Variants in ANO7 observed in about 807,000 individuals in gnomAD.
The protein encoded by ANO7 is anoctamin-7.
Under a neutral mutation model 115.8 loss-of-function variants are expected in ANO7, and 114 were observed. The ratio of observed to expected loss-of-function variants is 0.98; its 90% CI spans 0.85 to 1.15. The LOEUF (loss-of-function observed/expected upper bound fraction) is 1.15. Among genes scored for constraint, ANO7 ranks in the 50% most tolerant of loss-of-function variants. The probability of loss-of-function intolerance (pLI) is 0.00; values close to 1 mark genes in which losing one functional copy is unlikely to be tolerated. For missense variants in ANO7, 1,302 were observed against 1,201.2 expected (o/e 1.08, Z -1.24); for synonymous variants, 550 against 498.2 (o/e 1.10, Z -1.38).
the ANO7 span, chr2:241,236,694 G>A: frequency 6.2e-7 from 1 of 1,614,094 alleles, no homozygotes; most frequent in East Asian, 2.2e-5. Flanking sequence ...TGGAGAGCCG[G>A]GGTCACAATC....
chr2:241,210,994 G>A (rs1043731555), intron 15 of ANO7, among the ~76,000 whole-genome samples: 10 of 151,974 alleles, frequency 6.6e-5, no homozygotes, highest in Non-Finnish European at 1.0e-4. Flanking sequence ...TTTTGTTTTT[G>A]GCACCCCAGG....
chr2:241,226,893 C>G (rs564461485), downstream of ANO7, among the ~76,000 whole-genome samples: 114 of 152,288 alleles, frequency 7.5e-4, 1 homozygote, highest in African/African-American at 2.7e-3. Context: ...CTCCTCCAGC[C>G]GAGGCCTCCG....
Position 241,213,589 on chromosome 2 carries a change from A to G in ANO7, c.1728+963A>G, listed in dbSNP as rs200639663. Among the ~76,000 whole-genome samples the G allele has an allele frequency of 3.3e-5, 5 of 152,254 alleles. No homozygotes were observed. In the East Asian group the frequency reaches 7.7e-4, roughly 24 times the overall value. ...CCAAGACACCGTAGAGAAGCCCTCA[A>G]AACTGTTCCCGACGCACAGCCCCTC... On this transcript the variant is annotated intron_variant, in intron 17 of 24. Transcript: ENST00000674324.
At chr2:241,230,234 G>A, downstream of ANO7, 1 of 1,610,922 alleles carries the variant, frequency 6.2e-7, no homozygotes, top group Non-Finnish European at 8.5e-7. The surrounding 1 kb of genome is among the most constrained non-coding windows in gnomAD (Gnocchi z 5.0). Context: ...CGCAGTTGGG[G>A]TCTGGGGCTC....
At chr2:241,232,236 T>C in the ANO7 span, among the ~76,000 whole-genome samples, 3 of 151,592 alleles carry the variant, frequency 2.0e-5, no homozygotes, top group Non-Finnish European at 4.4e-5. Flanking sequence ...ACTTGGCTCA[T>C]GGTGTATTAG....
chr2:241,217,073 T>G (rs535929077), intron 19 of ANO7, among the ~76,000 whole-genome samples: 1 of 152,302 alleles, frequency 6.6e-6, no homozygotes, highest in African/African-American at 2.4e-5. Context: ...CCTCAGGTGA[T>G]CCACCTGCCT....
At position 241,212,441 on chromosome 2, in the gene ANO7, G is replaced by A. The variant is rs562528995; in HGVS notation, c.1674-131G>A. On this transcript the variant is annotated intron_variant, in intron 16 of 24. Transcript: ENST00000674324. ...TCCACAGGAGGCCCAGCTCACAACCGGGACTCTACGCCACAGTTCGTGCTT... is the reference window on the plus strand; with the variant it reads ...TCCACAGGAGGCCCAGCTCACAACCAGGACTCTACGCCACAGTTCGTGCTT... The A allele has an allele frequency of 5.0e-5, 54 of 1,086,176 alleles. 1 individual carries two copies. Among genetic ancestry groups the A allele is most frequent in the African/African-American group, 7.8e-5 (5 of 64,146 alleles). The allele number at this position is 1,086,176 out of a possible 1,614,324, so 67.3% of individuals were successfully genotyped here.
At chr2:241,202,435 A>G (rs1344181368) in intron 8 of ANO7, 131 bp downstream of exon 8, 3 of 715,818 alleles carry the variant, frequency 4.2e-6, no homozygotes, top group Non-Finnish European at 7.1e-6. Flanking sequence ...TCAGAACACT[A>G]AATGCACACA....
the ANO7 span, chr2:241,239,569 T>TGA: frequency 4.7e-5 from 73 of 1,563,908 alleles, no homozygotes; most frequent in Admixed American, 1.2e-3. This position sits in a 1 kb window ranked among gnomAD's most constrained non-coding sequence, Gnocchi z 4.6. Flanking sequence ...CACTGGGGGG[T>TGA]GAGAACCCCT....
chr2:241,228,080 A>AGAT (rs1283502918), downstream of ANO7: 2 of 152,262 alleles, frequency 1.3e-5, no homozygotes, highest in Admixed American at 1.3e-4. Flanking sequence ...TCGAGTCTGA[A>AGAT]GATGACCAAG....
At position 241,203,644 on chromosome 2, in the gene ANO7, C is replaced by T. The variant is rs1021992958; in HGVS notation, c.889+146C>T. ...CAGCTCTTGGCTCGACCGGGCTGCCCTCCTGGCTCCCCTCAAGCCCACTCA... is the reference window on the plus strand; with the variant it reads ...CAGCTCTTGGCTCGACCGGGCTGCCTTCCTGGCTCCCCTCAAGCCCACTCA... On this transcript the variant is annotated intron_variant, in intron 9 of 24. Coordinates refer to ENST00000674324, the MANE Select transcript of ANO7 (RefSeq NM_001370694.2). The surrounding 1 kb of genome is among the most constrained non-coding windows in gnomAD (Gnocchi z 4.8). The T allele has an allele frequency of 2.0e-4, 114 of 572,672 alleles. No individual in the cohort carries two copies. Among genetic ancestry groups the T allele is most frequent in the South Asian group, 2.0e-3 (70 of 35,400 alleles). The allele number at this position is 572,672 out of a possible 1,614,324, so 35.5% of individuals were successfully genotyped here.
chr2:241,199,255 C>G lies in ANO7; in HGVS notation c.310-61C>G, dbSNP rs1204548928. 3 of 1,405,608 alleles carry G rather than the reference C, an allele frequency of 2.1e-6. No homozygotes were observed. The East Asian group carries it at 6.8e-5, about 32-fold the overall frequency. The allele number at this position is 1,405,608 out of a possible 1,614,324, so 87.1% of individuals were successfully genotyped here. A position where few individuals can be genotyped will look rare whatever the true frequency, so the allele number is the denominator to read the frequency against. On this transcript the variant is annotated intron_variant, in intron 4 of 24. Transcript: ENST00000674324. ...TTTCCTAAGAGTGCGAATGGACACA[C>G]ACATGTGCATACGTGCACACATGCA...
Position 241,188,766 on chromosome 2 carries a change from G to C in ANO7, c.-8G>C. 1 of 1,613,052 alleles carries C rather than the reference G, an allele frequency of 6.2e-7. No individual in the cohort carries two copies. The highest frequency in any genetic ancestry group is 1.1e-5 in the South Asian group (1 of 91,024). On this transcript the variant is annotated splice_region_variant and 5_prime_UTR_variant, in exon 1 of 25. Coordinates refer to ENST00000674324, the MANE Select transcript of ANO7 (RefSeq NM_001370694.2). The surrounding 1 kb of genome is among the most constrained non-coding windows in gnomAD (Gnocchi z 4.3). ...ACCTCTTCCGGAAGCCACTGTGCCA[G>C]GTGGGGACCCAGCCTAGACGTGTGG...
chr2:241,200,885 G>A (rs1036755631), intron 6 of ANO7, among the ~76,000 whole-genome samples: 5 of 152,200 alleles, frequency 3.3e-5, no homozygotes, highest in South Asian at 2.1e-4. Flanking sequence ...GTCACTGTCC[G>A]CACTGCCCAC....
intron 9 of ANO7, 62 bp from the exon 10 acceptor site, chr2:241,204,803 C>T: frequency 7.4e-7 from 1 of 1,351,790 alleles, no homozygotes; most frequent in Non-Finnish European, 1.1e-6. Context: ...GCTGTGCAGA[C>T]CCCTACCTGG....
At chr2:241,194,308 C>CAT (rs2068272413) in intron 3 of ANO7, among the ~76,000 whole-genome samples, 2 of 131,796 alleles carry the variant, frequency 1.5e-5, no homozygotes, top group South Asian at 4.8e-4. Flanking sequence ...TATTTATTTC[C>CAT]TTTTTTTTTT....
rs1025826711 is a variant in ANO7, at chr2:241,224,353, G to A, written c.*200G>A. 16 of 618,700 alleles carry A rather than the reference G, an allele frequency of 2.6e-5. No individual in the cohort carries two copies. In the African/African-American group the frequency reaches 3.0e-4, roughly 11 times the overall value. 38.3% of individuals were successfully genotyped at this position (618,700 alleles called of 1,614,324 possible). ...CCTGTCACTCCATCCCCGGCAGGGA[G>A]GGACCGTCAGCTCACAAGGCCCTCT... is the stretch of plus-strand genomic sequence containing the variant. On this transcript the variant is annotated 3_prime_UTR_variant, in exon 25 of 25. Coordinates refer to ENST00000674324, the MANE Select transcript of ANO7 (RefSeq NM_001370694.2).
the ANO7 span, chr2:241,239,640 C>T: frequency 3.7e-6 from 6 of 1,614,210 alleles, no homozygotes; most frequent in Non-Finnish European, 4.2e-6. This position sits in a 1 kb window ranked among gnomAD's most constrained non-coding sequence, Gnocchi z 4.6. Flanking sequence ...TTCTTGGCTG[C>T]CTCCACACAG....
At chr2:241,219,140 G>A (rs1404119329) in intron 21 of ANO7, among the ~76,000 whole-genome samples, 9 of 152,236 alleles carry the variant, frequency 5.9e-5, no homozygotes, top group Non-Finnish European at 1.2e-4. Context: ...TGCAGAGCAG[G>A]TAGATGTACT....
Sources: allele counts gnomAD v4.1 joint callset (sites outside exome capture counted in the v4.1 genomes callset), GRCh38; gene constraint gnomAD v4.1.1; non-coding constraint Gnocchi (gnomAD v3.1); transcripts MANE v1.5; gene names NCBI Gene and HGNC (gene_info 2026-07-23, HGNC 2026-07-21).